Variants in ANKS1B observed in about 807,000 individuals in gnomAD.
ANKS1B encodes the protein ankyrin repeat and sterile alpha motif domain containing 1B.
Under a neutral mutation model 148.3 loss-of-function variants are expected in ANKS1B, and 36 were observed. That is an observed-to-expected ratio of 0.24 (90% CI 0.19 to 0.32). ANKS1B has a LOEUF of 0.32. Ranked by LOEUF, ANKS1B falls within the 10% of genes least tolerant of loss-of-function variation. The pLI, the probability that ANKS1B is intolerant of heterozygous loss-of-function variation, is 1.00. For missense variants in ANKS1B, 1,157 were observed against 1,542.6 expected (o/e 0.75, Z 4.19); for synonymous variants, 542 against 560.8 (o/e 0.97, Z 0.47).
At chr12:99,883,867 C>T (rs957897764) in intron 1 of ANKS1B, among the ~76,000 whole-genome samples, 2 of 152,058 alleles carry the variant, frequency 1.3e-5, no homozygotes, top group East Asian at 3.9e-4. Flanking sequence ...AGTGAGCTGA[C>T]ATCGTGCCAC....
intron 17 of ANKS1B, among the ~76,000 whole-genome samples, chr12:98,962,786 A>T (rs1308482121): frequency 6.6e-6 from 1 of 152,242 alleles, no homozygotes; most frequent in African/African-American, 2.4e-5. Flanking sequence ...ATCAGTATCA[A>T]GAGGAATTTT....
intron 3 of ANKS1B, among the ~76,000 whole-genome samples, chr12:99,808,322 T>G (rs1012686475): frequency 6.6e-6 from 1 of 152,000 alleles, no homozygotes; most frequent in East Asian, 1.9e-4. Flanking sequence ...GAGGGAAGAT[T>G]TGAAAATTTA....
At chr12:98,772,834 A>T (rs1195137295) in intron 25 of ANKS1B, among the ~76,000 whole-genome samples, 2 of 152,208 alleles carry the variant, frequency 1.3e-5, no homozygotes, top group African/African-American at 4.8e-5. Context: ...TGGCCCCCAG[A>T]AGCTGTGAGA....
chr12:98,965,888 A>G (rs1048727849), intron 17 of ANKS1B, among the ~76,000 whole-genome samples: 2 of 152,360 alleles, frequency 1.3e-5, no homozygotes, highest in Admixed American at 1.3e-4. Flanking sequence ...ACCTCATACG[A>G]AAATTAATTC....
At chr12:98,821,422 T>C (rs1222512035) in intron 19 of ANKS1B, among the ~76,000 whole-genome samples, 1 of 152,180 alleles carries the variant, frequency 6.6e-6, no homozygotes, top group Admixed American at 6.5e-5. Context: ...TACTCCTCAG[T>C]CCACATTGTT....
At chr12:99,631,459 A>C (rs535846623) in intron 9 of ANKS1B, among the ~76,000 whole-genome samples, 1 of 152,336 alleles carries the variant, frequency 6.6e-6, no homozygotes, top group Admixed American at 6.5e-5. Context: ...TTAGAAGACA[A>C]GACAACTAGG....
chr12:98,924,969 A>G (rs781307379), intron 17 of ANKS1B, among the ~76,000 whole-genome samples: 3 of 152,222 alleles, frequency 2.0e-5, no homozygotes, highest in Non-Finnish European at 4.4e-5. Context: ...TTTAATATTC[A>G]AAGTCCAGAC....
intron 14 of ANKS1B, among the ~76,000 whole-genome samples, chr12:99,182,791 G>A (rs2079284596): frequency 1.3e-5 from 2 of 152,070 alleles, no homozygotes; most frequent in Non-Finnish European, 2.9e-5. Context: ...GTGTACGAGA[G>A]TTCCTTTTTC....
chr12:99,220,512 C>T (rs867603648), intron 14 of ANKS1B, among the ~76,000 whole-genome samples: 29 of 132,988 alleles, frequency 2.2e-4, no homozygotes, highest in Middle Eastern at 0.011. Context: ...AGTCCAGTGG[C>T]GTCGGCTCAC....
chr12:99,740,469 G>A (rs547234060), intron 8 of ANKS1B, among the ~76,000 whole-genome samples: 58 of 152,272 alleles, frequency 3.8e-4, no homozygotes, highest in Middle Eastern at 3.4e-3. Flanking sequence ...CAGCATGTCA[G>A]GCAAAAGTGT....
At chr12:99,776,734 C>A (rs2063689370) in intron 6 of ANKS1B, among the ~76,000 whole-genome samples, 1 of 152,092 alleles carries the variant, frequency 6.6e-6, no homozygotes, top group African/African-American at 2.4e-5. Context: ...GGCTGGAGTG[C>A]AGTGGTGCAA....
chr12:99,178,423 A>G lies in ANKS1B; in HGVS notation c.2420-24028T>C, dbSNP rs1036953370. On this transcript the variant is annotated intron_variant, in intron 14 of 26. Transcript: ENST00000683438. ...GGGGAACCTGCTGTTGGCATATCCA[A>G]TTAACACACATGCTTTCTTATTACC... is the stretch of plus-strand genomic sequence containing the variant. 2.0e-5 allele frequency among the ~76,000 whole-genome samples: 3 copies of G among 152,208 alleles called. No individual in the cohort carries two copies. The East Asian group carries it at 5.8e-4, about 29-fold the overall frequency.
chr12:99,609,777 C>T (rs772764296), intron 9 of ANKS1B, among the ~76,000 whole-genome samples: 1 of 151,948 alleles, frequency 6.6e-6, no homozygotes, highest in African/African-American at 2.4e-5. Context: ...CAAATGGGTA[C>T]CCCAAGGCTA....
In ANKS1B at chr12:99,702,154, C is replaced by T. The variant is rs193060359; in HGVS notation, c.1129-46944G>A. On this transcript the variant is annotated intron_variant, in intron 8 of 26. Coordinates refer to ENST00000683438, the MANE Select transcript of ANKS1B (RefSeq NM_001352186.2). ...GTGGCTGTACTAATTTACATTCCCA[C>T]CAATGGTGTATGAGTTTTCCCTTTT... Among the ~76,000 whole-genome samples the T allele has an allele frequency of 1.6e-3, 249 of 152,266 alleles. 1 individual carries two copies. The highest frequency in any genetic ancestry group is 5.6e-3 in the African/African-American group (234 of 41,566).
At chr12:99,034,941 C>T (rs1003240513) in intron 17 of ANKS1B, among the ~76,000 whole-genome samples, 1 of 152,116 alleles carries the variant, frequency 6.6e-6, no homozygotes, top group Non-Finnish European at 1.5e-5. Flanking sequence ...AATAGATGGT[C>T]AGGAGATACC....
chr12:98,738,735 T>C (rs537509898), intron 9 of ANKS1B, among the ~76,000 whole-genome samples: 1 of 152,344 alleles, frequency 6.6e-6, no homozygotes, highest in Non-Finnish European at 1.5e-5. Flanking sequence ...AGAATACTCC[T>C]GGGTTCAGTG....
At chr12:99,878,281 C>T (rs541877386) in intron 1 of ANKS1B, among the ~76,000 whole-genome samples, 3 of 152,172 alleles carry the variant, frequency 2.0e-5, no homozygotes, top group Non-Finnish European at 4.4e-5. Context: ...TTTCCACTTA[C>T]ATTTTATGGG....
At chr12:99,255,416 A>T (rs2075142808) in intron 12 of ANKS1B, among the ~76,000 whole-genome samples, 1 of 151,968 alleles carries the variant, frequency 6.6e-6, no homozygotes, top group South Asian at 2.1e-4. Context: ...TTTTAGTGTC[A>T]CCAATGATTC....
intron 9 of ANKS1B, among the ~76,000 whole-genome samples, chr12:99,526,837 G>A (rs925509478): frequency 3.8e-4 from 58 of 152,296 alleles, no homozygotes; most frequent in African/African-American, 1.4e-3. Context: ...ACATAAGAAT[G>A]TGACATTATT....
Sources: allele counts gnomAD v4.1 joint callset (sites outside exome capture counted in the v4.1 genomes callset), GRCh38; gene constraint gnomAD v4.1.1; transcripts MANE v1.5; gene names NCBI Gene and HGNC (gene_info 2026-07-23, HGNC 2026-07-21).